Variants in STK4 observed in about 807,000 individuals in gnomAD.
The protein encoded by STK4 is serine/threonine kinase 4.
Under a neutral mutation model 64.9 loss-of-function variants are expected in STK4, and 30 were observed. The ratio of observed to expected loss-of-function variants is 0.46; its 90% confidence interval spans 0.35 to 0.63. The LOEUF (loss-of-function observed/expected upper bound fraction) is 0.63, where lower values mean the gene tolerates loss of function less well. Ranked by LOEUF, STK4 falls within the 20% of genes least tolerant of loss-of-function variation. STK4 has a pLI of 0.01. For synonymous variants in STK4, 177 were observed against 199.0 expected (o/e 0.89, Z 0.93); for missense variants, 466 against 598.5 (o/e 0.78, Z 2.31).
At chr20:44,972,205 T>C (rs767298462) in intron 2 of STK4, 47 bp downstream of exon 2, 2 of 1,531,370 alleles carry the variant, frequency 1.3e-6, no homozygotes, top group East Asian at 4.5e-5. Context: ...CCAGTCTTTT[T>C]CCTGCCCCAG....
chr20:44,982,065 G>T, intron 4 of STK4, 122 bp downstream of exon 4: 5 of 492,712 alleles, frequency 1.0e-5, no homozygotes, highest in South Asian at 7.8e-5. Flanking sequence ...CTTTTCCATG[G>T]TTATTTTCCA....
chr20:44,981,554 T>A (rs1359532643), intron 3 of STK4, among the ~76,000 whole-genome samples: 1 of 152,228 alleles, frequency 6.6e-6, no homozygotes, highest in East Asian at 1.9e-4. Flanking sequence ...TGGTAACTGT[T>A]ACTTTTTGAA....
chr20:45,015,058 T>C (rs2145356252), intron 9 of STK4, among the ~76,000 whole-genome samples: 1 of 152,386 alleles, frequency 6.6e-6, no homozygotes. Flanking sequence ...CTAAGAGACA[T>C]GTTTTAGTTA....
At chr20:45,062,482 A>G (rs1979124306) in intron 10 of STK4, among the ~76,000 whole-genome samples, 2 of 152,192 alleles carry the variant, frequency 1.3e-5, no homozygotes, top group Non-Finnish European at 2.9e-5. Context: ...TGCTGTTTTA[A>G]GTTCTTTGAG....
intron 9 of STK4, chr20:45,004,463 A>T (rs1162281530): frequency 6.6e-6 from 1 of 152,006 alleles, no homozygotes; most frequent in East Asian, 1.9e-4. Context: ...AAAAATAAAA[A>T]TAAAAAAAAA....
At chr20:44,978,906 C>T (rs1326277505) in intron 3 of STK4, among the ~76,000 whole-genome samples, 1 of 149,730 alleles carries the variant, frequency 6.7e-6, no homozygotes. Context: ...TCAAGTGATT[C>T]TTGTGCCTCA....
Position 45,025,280 on chromosome 20 carries a change from ATGT to A in STK4, c.1305+152_1305+154del, listed in dbSNP as rs1568732667. On this transcript the variant is annotated intron_variant, in intron 10 of 10. Transcript: ENST00000372806. Reference sequence around the variant, plus strand: ...GAGCTGAAGGACAGTATTTTGACTGATGTTTGGGCAGTTCTCTGGTCCCTGATT... The same window carrying A: ...GAGCTGAAGGACAGTATTTTGACTGATTGGGCAGTTCTCTGGTCCCTGATT... 3 of 868,762 alleles carry A rather than the reference ATGT, an allele frequency of 3.5e-6. No homozygotes were observed. In the African/African-American group the frequency reaches 5.2e-5, roughly 15 times the overall value. The allele number at this position is 868,762 out of a possible 1,614,324, so 53.8% of individuals were successfully genotyped here.
At chr20:45,059,035 T>A (rs116094526) in intron 10 of STK4, among the ~76,000 whole-genome samples, 2,385 of 152,278 alleles carry the variant, frequency 0.016, 44 homozygotes, top group African/African-American at 0.048. Context: ...GGGGAATATG[T>A]TCCAAGACCC....
intron 10 of STK4, among the ~76,000 whole-genome samples, chr20:45,035,433 A>G (rs2068512945): frequency 6.6e-6 from 1 of 152,210 alleles, no homozygotes; most frequent in African/African-American, 2.4e-5. Context: ...CTTTTCAGTC[A>G]GTTATCAGCT....
intron 9 of STK4, among the ~76,000 whole-genome samples, chr20:45,003,704 G>A (rs577072120): frequency 1.3e-5 from 2 of 150,896 alleles, no homozygotes; most frequent in South Asian, 2.1e-4. Context: ...AACCTAAAAC[G>A]TCTCTAAATT....
intron 9 of STK4, among the ~76,000 whole-genome samples, chr20:45,018,597 A>G (rs1455197333): frequency 2.6e-5 from 4 of 152,200 alleles, no homozygotes; most frequent in Admixed American, 6.5e-5. Context: ...TTACTGACAT[A>G]TAATTTACAC....
intron 9 of STK4, among the ~76,000 whole-genome samples, chr20:45,015,898 G>GT (rs897410731): frequency 3.7e-4 from 56 of 152,098 alleles, no homozygotes; most frequent in African/African-American, 1.2e-3. Flanking sequence ...GTATGAGAGT[G>GT]TTTTTTTCAT....
At chr20:44,975,832 CA>C (rs1183951082) in intron 2 of STK4, 12 of 152,152 alleles carry the variant, frequency 7.9e-5, no homozygotes, top group Admixed American at 6.6e-4. Flanking sequence ...TTGTATATCC[CA>C]GACTACTGTA....
At chr20:45,012,280 C>T (rs962130970) in intron 9 of STK4, among the ~76,000 whole-genome samples, 6 of 152,098 alleles carry the variant, frequency 3.9e-5, no homozygotes, top group African/African-American at 9.7e-5. Context: ...GTGATCCGTC[C>T]ACCTCAGCCT....
intron 10 of STK4, among the ~76,000 whole-genome samples, chr20:45,043,375 A>G (rs940775351): frequency 6.6e-6 from 1 of 152,194 alleles, no homozygotes; most frequent in Non-Finnish European, 1.5e-5. Context: ...CTGTTCTTTT[A>G]GTGAAGAAGC....
chr20:45,028,425 G>A (rs1048093726), intron 10 of STK4, among the ~76,000 whole-genome samples: 4 of 151,144 alleles, frequency 2.6e-5, no homozygotes, highest in African/African-American at 9.7e-5. Context: ...CTCCTGGCCT[G>A]TAGTAATCCT....
At chr20:45,007,445 G>A (rs1201860212) in intron 9 of STK4, among the ~76,000 whole-genome samples, 1 of 152,158 alleles carries the variant, frequency 6.6e-6, no homozygotes, top group Non-Finnish European at 1.5e-5. Context: ...TACTCGGAAG[G>A]CTGAGGCAGG....
intron 9 of STK4, among the ~76,000 whole-genome samples, chr20:45,010,565 C>A (rs1430398850): frequency 6.6e-6 from 1 of 152,080 alleles, no homozygotes; most frequent in African/African-American, 2.4e-5. Flanking sequence ...GCAGTTGAAA[C>A]CCAGTTGCAG....
chr20:45,004,152 G>A (rs754744089), intron 9 of STK4, among the ~76,000 whole-genome samples: 1 of 152,128 alleles, frequency 6.6e-6, no homozygotes, highest in Non-Finnish European at 1.5e-5. Context: ...CTGGAGTGCA[G>A]TGGTGTGATC....
Sources: gnomAD v4.1 joint callset for allele counts (sites outside exome capture counted in the v4.1 genomes callset) on GRCh38, gnomAD v4.1.1 for gene constraint, MANE v1.5 for transcripts, NCBI Gene and HGNC (gene_info 2026-07-23, HGNC 2026-07-21) for gene names.